Variants in AGR3 observed in about 807,000 individuals in gnomAD.
AGR3 encodes the protein anterior gradient 3, protein disulphide isomerase family member.
A neutral mutation model predicts 24.5 loss-of-function variants in AGR3; 37 were observed. The observed-to-expected ratio is 1.51, with a 90% confidence interval of 1.16 to 1.99. The LOEUF is 1.99. Among genes scored for constraint, AGR3 ranks in the 30% most tolerant of loss-of-function variants. The pLI, the probability that AGR3 is intolerant of heterozygous loss-of-function variation, is 0.00. For synonymous variants in AGR3, 75 were observed against 61.6 expected (o/e 1.22, Z -1.02); for missense variants, 228 against 191.1 (o/e 1.19, Z -1.14).
chr7:16,867,648 T>A (rs1781784696), intron 3 of AGR3, among the ~76,000 whole-genome samples: 1 of 152,168 alleles, frequency 6.6e-6, no homozygotes, highest in South Asian at 2.1e-4. Context: ...GAGCAAGAAC[T>A]CCCCATCCTC....
intron 3 of AGR3, among the ~76,000 whole-genome samples, chr7:16,868,985 A>T (rs745865304): frequency 6.6e-6 from 1 of 152,216 alleles, no homozygotes; most frequent in Admixed American, 6.5e-5. Flanking sequence ...TGTTCTAAAA[A>T]ATAATTCCTA....
intron 7 of AGR3, 100 bp from the exon 8 acceptor site, chr7:16,859,731 T>A: frequency 1.4e-6 from 1 of 711,128 alleles, no homozygotes. Context: ...TTTAAATTAA[T>A]AGCTTTGAAC....
chr7:16,860,460 C>T, intron 7 of AGR3, 40 bp downstream of exon 7: 1 of 1,446,492 alleles, frequency 6.9e-7, no homozygotes, highest in Non-Finnish European at 9.7e-7. Context: ...AGTCAGGGGT[C>T]AGCTATGACC....
At chr7:16,869,405 C>T (rs1781822050) in intron 3 of AGR3, among the ~76,000 whole-genome samples, 1 of 151,688 alleles carries the variant, frequency 6.6e-6, no homozygotes. Context: ...TTTTTTGATC[C>T]TTTCAATTGC....
chr7:16,877,298 T>TA (rs35995685), intron 2 of AGR3, among the ~76,000 whole-genome samples: 47,116 of 142,308 alleles, frequency 0.33, 8,249 homozygotes, highest in Middle Eastern at 0.44. Flanking sequence ...ATATATAATA[T>TA]ATAGTATATA....
downstream of AGR3, among the ~76,000 whole-genome samples, chr7:16,858,261 T>C (rs1781579978): frequency 6.6e-6 from 1 of 152,148 alleles, no homozygotes; most frequent in Non-Finnish European, 1.5e-5. Context: ...CCCAAAGTGC[T>C]GGGATTACAG....
chr7:16,864,107 A>G (rs1389721623), intron 3 of AGR3, among the ~76,000 whole-genome samples: 2 of 152,208 alleles, frequency 1.3e-5, no homozygotes, highest in African/African-American at 4.8e-5. Context: ...CTTCAAGGTG[A>G]CAGAAGAGTT....
In AGR3 at chr7:16,860,480, G is replaced by A; in HGVS notation, c.451+20C>T. The A allele has an allele frequency of 6.3e-7, 1 of 1,579,096 alleles. No individual in the cohort carries two copies. The highest frequency in any genetic ancestry group is 8.7e-7 in the Non-Finnish European group (1 of 1,148,264). Reference sequence around the variant, plus strand: ...GGGGTCAGCTATGACCACTGTTTGAGATCATTTGTGAATACTTACATAGGG... The same window carrying A: ...GGGGTCAGCTATGACCACTGTTTGAAATCATTTGTGAATACTTACATAGGG... On this transcript the variant is annotated intron_variant, in intron 7 of 7. Transcript: ENST00000310398.
chr7:16,881,448 G>C (rs1387962870), intron 1 of AGR3, among the ~76,000 whole-genome samples: 4 of 152,156 alleles, frequency 2.6e-5, no homozygotes, highest in Non-Finnish European at 5.9e-5. Context: ...CAGTTGCAAG[G>C]TTAAGCTACT....
rs375968341 is a variant in AGR3 at position 16,861,916 on chromosome 7, AAG to A, written c.303+66_303+67del. On this transcript the variant is annotated intron_variant, in intron 5 of 7. Coordinates refer to ENST00000310398, the MANE Select transcript of AGR3 (RefSeq NM_176813.5). ...ACTCTGTCTAAAAAAAAAAAAAAAA[AAG>A]AAAAAAACGGATTCAAAATTTCCAT... 1.9e-3 allele frequency: 2,449 copies of A among 1,316,946 alleles called. 1 individual carries two copies. Among genetic ancestry groups the A allele is most frequent in the South Asian group, 3.1e-3 (227 of 73,222 alleles). The allele number at this position is 1,316,946 out of a possible 1,614,324, so 81.6% of individuals were successfully genotyped here.
downstream of AGR3, among the ~76,000 whole-genome samples, chr7:16,857,062 T>C (rs1276437929): frequency 1.3e-5 from 2 of 151,142 alleles, no homozygotes; most frequent in Non-Finnish European, 2.9e-5. Context: ...TGATCATAGC[T>C]CATTGCAGCC....
chr7:16,862,647 C>T lies in AGR3; in HGVS notation c.189G>A (p.Met63Ile). 6.5e-7 allele frequency: 1 copy of T among 1,549,388 alleles called. No individual in the cohort carries two copies. Among genetic ancestry groups the T allele is most frequent in the Non-Finnish European group, 8.7e-7 (1 of 1,155,044 alleles). The change falls in exon 4 of 8, where the codon ATG (methionine) becomes ATA (isoleucine). Residue 63 changes from methionine to isoleucine, a missense_variant. Physicochemically the swap from Met to Ile is conservative, Grantham distance 10. Coordinates refer to ENST00000310398, the MANE Select transcript of AGR3 (RefSeq NM_176813.5). ...GACAATCCTCCAGGTGATGAATAACCATTAATGGCTTCTTACTAAACAAAG... is the reference window on the plus strand; with the variant it reads ...GACAATCCTCCAGGTGATGAATAACTATTAATGGCTTCTTACTAAACAAAG... ...FYAQKSKKPLMVIHHLEDCQY... is the reference protein window; with the variant it reads ...FYAQKSKKPLIVIHHLEDCQY...
intron 2 of AGR3, among the ~76,000 whole-genome samples, chr7:16,875,790 G>A (rs1423394057): frequency 2.0e-5 from 3 of 151,716 alleles, no homozygotes; most frequent in Non-Finnish European, 4.4e-5. Context: ...AACATCTCTT[G>A]TTAGTTTAAT....
At chr7:16,856,405 G>A (rs1562542525), downstream of AGR3, among the ~76,000 whole-genome samples, 1 of 152,134 alleles carries the variant, frequency 6.6e-6, no homozygotes, top group Non-Finnish European at 1.5e-5. Context: ...GACAATATTA[G>A]CAAATAAAAA....
chr7:16,865,554 T>C (rs1266641730), intron 3 of AGR3: 19 of 693,584 alleles, frequency 2.7e-5, no homozygotes, highest in South Asian at 2.2e-4. Context: ...TATAAAAGGA[T>C]ATCGACCAAT....
chr7:16,876,287 A>G (rs1781985451), intron 2 of AGR3, among the ~76,000 whole-genome samples: 2 of 152,132 alleles, frequency 1.3e-5, no homozygotes, highest in South Asian at 2.1e-4. Context: ...ATCTCTGGCT[A>G]TATTTTCTTG....
chr7:16,862,105 G>C, intron 4 of AGR3, 45 bp from the exon 5 acceptor site: 1 of 1,384,662 alleles, frequency 7.2e-7, no homozygotes, highest in Non-Finnish European at 1.0e-6. Context: ...AGGATCAAGA[G>C]ACCTTTAATG....
intron 3 of AGR3, among the ~76,000 whole-genome samples, chr7:16,870,449 C>G (rs1406393486): frequency 6.6e-6 from 1 of 151,906 alleles, no homozygotes; most frequent in Non-Finnish European, 1.5e-5. Flanking sequence ...TGTAGATATA[C>G]TTGTCTTATC....
chr7:16,860,615 T>G (rs1274725048), intron 6 of AGR3, 32 bp from the exon 7 acceptor site: 2 of 1,447,678 alleles, frequency 1.4e-6, no homozygotes, highest in Non-Finnish European at 1.9e-6. Context: ...CACGAAAGTA[T>G]AATTTAGCAT....
Sources: gnomAD v4.1 joint callset for allele counts (sites outside exome capture counted in the v4.1 genomes callset) on GRCh38, gnomAD v4.1.1 for gene constraint, MANE v1.5 for transcripts, NCBI Gene and HGNC (gene_info 2026-07-23, HGNC 2026-07-21) for gene names.